Variants in AGBL4 observed in about 807,000 individuals in gnomAD.
AGBL4 encodes AGBL carboxypeptidase 4.
Under a neutral mutation model 66.4 loss-of-function variants are expected in AGBL4, and 58 were observed. The observed-to-expected ratio is 0.87, with a 90% CI of 0.71 to 1.09. The LOEUF (loss-of-function observed/expected upper bound fraction) is 1.09, where lower values mean the gene tolerates loss of function less well. AGBL4 is among the 50% of genes least tolerant of loss of function. The pLI is 0.00. For missense variants in AGBL4, 579 were observed against 631.0 expected, an observed-to-expected ratio of 0.92 and a Z score of 0.88; for synonymous variants, 234 against 222.9, an observed-to-expected ratio of 1.05 and a Z score of -0.44.
At chr1:49,683,519 G>A (rs780224025) in intron 3 of AGBL4, among the ~76,000 whole-genome samples, 1 of 152,014 alleles carries the variant, frequency 6.6e-6, no homozygotes, top group Non-Finnish European at 1.5e-5. Flanking sequence ...TCTAATAGAA[G>A]GTAGCTAAAA....
chr1:49,272,886 A>C (rs1335760132), intron 3 of AGBL4, among the ~76,000 whole-genome samples: 33 of 152,220 alleles, frequency 2.2e-4, no homozygotes, highest in Admixed American at 2.2e-3. Flanking sequence ...AAATAAAGAT[A>C]ATTTTAAAAA....
intron 1 of AGBL4, among the ~76,000 whole-genome samples, chr1:49,915,592 C>T (rs547063321): frequency 1.3e-5 from 2 of 152,300 alleles, no homozygotes; most frequent in Non-Finnish European, 2.9e-5. Flanking sequence ...CCCACAAGCT[C>T]GAACTGGGTG....
chr1:48,963,590 G>A (rs1658182311), intron 5 of AGBL4, among the ~76,000 whole-genome samples: 1 of 151,732 alleles, frequency 6.6e-6, no homozygotes, highest in Admixed American at 6.6e-5. Flanking sequence ...ATGTTCCTGG[G>A]GAACTCCCAT....
intron 3 of AGBL4, among the ~76,000 whole-genome samples, chr1:49,634,019 TA>T (rs1406352173): frequency 1.3e-5 from 2 of 151,768 alleles, no homozygotes; most frequent in East Asian, 3.9e-4. Flanking sequence ...ATCAATAATT[TA>T]AAATTATTTT....
chr1:49,846,376 G>A, intron 2 of AGBL4: 2 of 1,543,788 alleles, frequency 1.3e-6, no homozygotes, highest in Non-Finnish European at 1.8e-6. Context: ...CCCTTACCAA[G>A]CACCAGAGAA....
chr1:49,382,708 A>C (rs1348601153), intron 3 of AGBL4, among the ~76,000 whole-genome samples: 4 of 152,220 alleles, frequency 2.6e-5, no homozygotes, highest in Non-Finnish European at 5.9e-5. Flanking sequence ...CAACTTGTAA[A>C]GGAAAAAAGA....
At chr1:50,006,199 C>T (rs891866007) in intron 1 of AGBL4, among the ~76,000 whole-genome samples, 4 of 151,958 alleles carry the variant, frequency 2.6e-5, no homozygotes, top group Admixed American at 1.3e-4. Flanking sequence ...ATTAGCCAGG[C>T]GTGGTGGCGG....
intron 2 of AGBL4, among the ~76,000 whole-genome samples, chr1:49,799,881 G>A (rs1300552304): frequency 6.6e-6 from 1 of 152,090 alleles, no homozygotes; most frequent in Non-Finnish European, 1.5e-5. Flanking sequence ...GATGGACACA[G>A]AAAATAAAAT....
At chr1:48,967,033 T>A (rs1658490772) in intron 5 of AGBL4, among the ~76,000 whole-genome samples, 1 of 142,080 alleles carries the variant, frequency 7.0e-6, no homozygotes, top group African/African-American at 2.6e-5. Flanking sequence ...ATTTTTTTTT[T>A]AAACACACAC....
intron 6 of AGBL4, among the ~76,000 whole-genome samples, chr1:48,734,456 T>A (rs1049597512): frequency 6.6e-5 from 10 of 152,174 alleles, no homozygotes; most frequent in Admixed American, 5.9e-4. Flanking sequence ...TCATCTCCCA[T>A]GTGGTCACTC....
At chr1:49,190,679 GTAACTTCCCTT>G (rs1647101040) in intron 4 of AGBL4, among the ~76,000 whole-genome samples, 1 of 152,100 alleles carries the variant, frequency 6.6e-6, no homozygotes, top group Admixed American at 6.6e-5. Flanking sequence ...TGATTATAGA[GTAACTTCCCTT>G]CCTCTCCCAG....
At chr1:49,373,429 TAA>T (rs1213123112) in intron 3 of AGBL4, among the ~76,000 whole-genome samples, 1 of 152,098 alleles carries the variant, frequency 6.6e-6, no homozygotes, top group African/African-American at 2.4e-5. Flanking sequence ...CTGCCCAAGC[TAA>T]GTCCTAAGAA....
rs549267554 is a variant in AGBL4 at position 49,750,045 on chromosome 1, A to C, written c.158-52608T>G. ...AAGATGACAAGGCAATTCAATGAGA[A>C]AATAAGTCTTTTTAATAAGTAATGC... is the stretch of plus-strand genomic sequence containing the variant. On this transcript the variant is annotated intron_variant, in intron 2 of 13. Coordinates refer to ENST00000371839, the MANE Select transcript of AGBL4 (RefSeq NM_032785.4). Among the ~76,000 whole-genome samples, 31 of 152,280 alleles carry C rather than the reference A, an allele frequency of 2.0e-4. 1 individual carries two copies. In the South Asian group the frequency reaches 6.4e-3, roughly 32 times the overall value.
intron 3 of AGBL4, among the ~76,000 whole-genome samples, chr1:49,438,597 T>G (rs183983114): frequency 1.8e-4 from 28 of 152,244 alleles, no homozygotes; most frequent in Non-Finnish European, 3.2e-4. Context: ...CACAACCTCA[T>G]CCCTGGTGCC....
intron 6 of AGBL4, among the ~76,000 whole-genome samples, chr1:48,709,593 T>TATTATTATTATTATTATC (rs1646932696): frequency 6.8e-6 from 1 of 147,276 alleles, no homozygotes; most frequent in African/African-American, 2.5e-5. Context: ...GCATTATTAT[T>TATTATTATTATTATTATC]ATTATTATTA....
At chr1:48,798,489 C>T (rs1354095831) in intron 6 of AGBL4, among the ~76,000 whole-genome samples, 3 of 152,074 alleles carry the variant, frequency 2.0e-5, no homozygotes, top group African/African-American at 7.2e-5. Context: ...TAATTACATC[C>T]CATCCATTTA....
chr1:49,793,217 C>CA (rs1480492270), intron 2 of AGBL4, among the ~76,000 whole-genome samples: 1 of 151,988 alleles, frequency 6.6e-6, no homozygotes, highest in African/African-American at 2.4e-5. Context: ...CCCAGACCTC[C>CA]AAACAGTATC....
chr1:49,888,872 A>G (rs1648345197), intron 1 of AGBL4, among the ~76,000 whole-genome samples: 1 of 152,226 alleles, frequency 6.6e-6, no homozygotes, highest in Non-Finnish European at 1.5e-5. Flanking sequence ...ACAAAAGTCT[A>G]TGATTCAAAG....
At chr1:49,908,676 C>T (rs1031230227) in intron 1 of AGBL4, among the ~76,000 whole-genome samples, 4 of 151,908 alleles carry the variant, frequency 2.6e-5, no homozygotes, top group Admixed American at 2.6e-4. Context: ...GCCTGTAGTC[C>T]TAGCTACTTG....
Sources: gnomAD v4.1 joint callset for allele counts (sites outside exome capture counted in the v4.1 genomes callset) on GRCh38, gnomAD v4.1.1 for gene constraint, MANE v1.5 for transcripts, NCBI Gene and HGNC (gene_info 2026-07-23, HGNC 2026-07-21) for gene names.